Variants in PPM1E observed in about 807,000 individuals in gnomAD.
PPM1E encodes the protein protein phosphatase 1E.
A neutral mutation model predicts 65.9 loss-of-function variants in PPM1E; 20 were observed. The ratio of observed to expected loss-of-function variants is 0.30; its 90% CI spans 0.21 to 0.44. PPM1E has a LOEUF of 0.44. Among genes scored for constraint, PPM1E ranks in the 20% least tolerant of loss-of-function variants. The pLI is 1.00. For missense variants in PPM1E, 713 were observed against 953.1 expected (o/e 0.75, Z 3.32); for synonymous variants, 352 against 374.9 (o/e 0.94, Z 0.70).
At chr17:58,913,316 A>AT (rs1228555460) in intron 1 of PPM1E, among the ~76,000 whole-genome samples, 1 of 151,990 alleles carries the variant, frequency 6.6e-6, no homozygotes, top group Non-Finnish European at 1.5e-5. Flanking sequence ...AAAGTGTTTG[A>AT]TTTTTCCCAT....
At chr17:58,891,436 C>T (rs1406763091) in intron 1 of PPM1E, among the ~76,000 whole-genome samples, 2 of 151,994 alleles carry the variant, frequency 1.3e-5, no homozygotes, top group African/African-American at 4.8e-5. Context: ...AGTTCTCCTG[C>T]CTCAGCCTCC....
At chr17:58,937,018 C>T (rs1251260749) in intron 1 of PPM1E, among the ~76,000 whole-genome samples, 1 of 151,728 alleles carries the variant, frequency 6.6e-6, no homozygotes, top group Non-Finnish European at 1.5e-5. Context: ...CTTGTAAGGC[C>T]GGGCGCGGTG....
chr17:58,869,403 T>A (rs1467793098), intron 1 of PPM1E, among the ~76,000 whole-genome samples: 1 of 152,156 alleles, frequency 6.6e-6, no homozygotes, highest in Non-Finnish European at 1.5e-5. Flanking sequence ...CATTTGTGAG[T>A]GGCTTGGTGC....
At chr17:58,890,515 G>T (rs150160826) in intron 1 of PPM1E, among the ~76,000 whole-genome samples, 1 of 152,254 alleles carries the variant, frequency 6.6e-6, no homozygotes, top group Non-Finnish European at 1.5e-5. Flanking sequence ...CTCTGTACAT[G>T]TCCATGAATG....
chr17:58,770,729 T>C (rs1377120071), intron 1 of PPM1E, among the ~76,000 whole-genome samples: 1 of 152,176 alleles, frequency 6.6e-6, no homozygotes, highest in Admixed American at 6.6e-5. Context: ...TTATATAGGT[T>C]GAAATTATCA....
Position 58,805,983 on chromosome 17 carries a change from AACAAAAC to A in PPM1E, c.464+49524_464+49530del, listed in dbSNP as rs1482233338. Among the ~76,000 whole-genome samples the A allele has an allele frequency of 1.6e-3, 159 of 99,656 alleles. 6 individuals are homozygous for A. The highest frequency in any genetic ancestry group is 5.1e-3 in the African/African-American group (113 of 21,970). The allele number at this position is 99,656 out of a possible 152,430, so 65.4% of individuals were successfully genotyped here. A position where few individuals can be genotyped will look rare whatever the true frequency, so the allele number is the denominator to read the frequency against. Reference sequence around the variant, plus strand: ...AAACAAAAAAAAAAAACAAAAAAAAAACAAAACAAAACAAAACAAAAAAAAAACTATA... The same window carrying A: ...AAACAAAAAAAAAAAACAAAAAAAAAAAAACAAAACAAAAAAAAAACTATA... On this transcript the variant is annotated intron_variant, in intron 1 of 6. Transcript: ENST00000308249.
At position 58,980,668 on chromosome 17, in the gene PPM1E, A is replaced by G; in HGVS notation, c.1905A>G (p.Thr635=). 1 of 1,614,222 alleles carries G rather than the reference A, an allele frequency of 6.2e-7. No individual in the cohort carries two copies. The highest frequency in any genetic ancestry group is 8.5e-7 in the Non-Finnish European group (1 of 1,180,032). ...CCACTGCTTTCAATTTGGGTTCAACAGGGGAGCAGATATACAGAATGCAGA... is the reference window on the plus strand; with the variant it reads ...CCACTGCTTTCAATTTGGGTTCAACGGGGGAGCAGATATACAGAATGCAGA... ...EFPTAFNLGS[T]GEQIYRMQSL... The change falls in exon 7 of 7, where the codon ACA becomes ACG. Residue 635 remains threonine (T), a synonymous_variant. Coordinates refer to ENST00000308249, the MANE Select transcript of PPM1E (RefSeq NM_014906.5). This position sits in a 1 kb window ranked among gnomAD's most constrained non-coding sequence, Gnocchi z 4.7.
At chr17:58,936,792 G>A (rs1001056602) in intron 1 of PPM1E, among the ~76,000 whole-genome samples, 2 of 152,104 alleles carry the variant, frequency 1.3e-5, no homozygotes, top group African/African-American at 4.8e-5. Context: ...ATCAACCCAT[G>A]GTATTTGAAA....
At chr17:58,796,545 C>T (rs944702571) in intron 1 of PPM1E, among the ~76,000 whole-genome samples, 2 of 152,214 alleles carry the variant, frequency 1.3e-5, no homozygotes, top group Non-Finnish European at 2.9e-5. Flanking sequence ...GTTAGGATTA[C>T]AGGCGTGAGC....
In PPM1E at chr17:58,823,880, G is replaced by A. The variant is rs539213938; in HGVS notation, c.464+67419G>A. Among the ~76,000 whole-genome samples the A allele has an allele frequency of 3.4e-3, 517 of 151,930 alleles. 3 individuals are homozygous for A. Among genetic ancestry groups the A allele is most frequent in the Non-Finnish European group, 5.6e-3 (382 of 67,962 alleles). On this transcript the variant is annotated intron_variant, in intron 1 of 6. Transcript: ENST00000308249. The stretch of plus-strand genomic sequence containing the variant: ...CGAGTAGCTGGAACTACAGGTACCC[G>A]CCACCACACCCGGCTAATTTTTTGT...
intron 1 of PPM1E, among the ~76,000 whole-genome samples, chr17:58,823,131 A>G (rs908643482): frequency 1.6e-4 from 25 of 152,186 alleles, no homozygotes; most frequent in South Asian, 8.3e-4. Context: ...CAGACATTAT[A>G]GTGTATGTAA....
In PPM1E at chr17:58,983,127, G is replaced by T; in HGVS notation, c.*2096G>T. ...GAAAAAAATGGCTGGATAGAACTGG[G>T]ACAAACACAGACCCATCTTTAGGGG... On this transcript the variant is annotated 3_prime_UTR_variant, in exon 7 of 7. Coordinates refer to ENST00000308249, the MANE Select transcript of PPM1E (RefSeq NM_014906.5). 1.9e-6 allele frequency: 1 copy of T among 525,812 alleles called. No homozygotes were observed. Among genetic ancestry groups the T allele is most frequent in the South Asian group, 2.6e-5 (1 of 38,024 alleles). 32.6% of individuals were successfully genotyped at this position (525,812 alleles called of 1,614,324 possible).
In PPM1E at chr17:58,805,953, AAAAAAAAC is replaced by A. The variant is rs1297331513; in HGVS notation, c.464+49500_464+49507del. ...AGGAGGTTCAGGCTGTTCTGCTAAA[AAAAAAAAC>A]AAAAAAAAAAAACAAAAAAAAAACA... is the stretch of plus-strand genomic sequence containing the variant. On this transcript the variant is annotated intron_variant, in intron 1 of 6. Coordinates refer to ENST00000308249, the MANE Select transcript of PPM1E (RefSeq NM_014906.5). Among the ~76,000 whole-genome samples, 30 of 101,586 alleles carry A rather than the reference AAAAAAAAC, an allele frequency of 3.0e-4. 2 individuals carry two copies. The highest frequency in any genetic ancestry group is 1.3e-3 in the South Asian group (4 of 3,062). 66.6% of individuals were successfully genotyped at this position (101,586 alleles called of 152,430 possible).
chr17:58,966,352 T>TA (rs763553438), intron 3 of PPM1E: 4,771 of 233,848 alleles, frequency 0.02, 2 homozygotes, highest in South Asian at 0.029. Context: ...GACTGTCTCT[T>TA]AAAAAAAAAA....
intron 1 of PPM1E, among the ~76,000 whole-genome samples, chr17:58,766,304 C>T (rs775403582): frequency 8.8e-5 from 13 of 147,754 alleles, no homozygotes; most frequent in Admixed American, 1.4e-4. Context: ...CAGGTTCAAG[C>T]GATTCTCCTG....
chr17:58,833,121 A>C (rs1193192383), intron 1 of PPM1E, among the ~76,000 whole-genome samples: 1 of 151,968 alleles, frequency 6.6e-6, no homozygotes, highest in Non-Finnish European at 1.5e-5. Flanking sequence ...TCCTTAAAAA[A>C]AAATGTTTGG....
intron 3 of PPM1E, 128 bp from the exon 4 acceptor site, chr17:58,969,411 T>C: frequency 1.1e-6 from 1 of 889,830 alleles, no homozygotes; most frequent in Non-Finnish European, 1.9e-6. Context: ...GGAAAACATT[T>C]AGTCTCATTA....
At chr17:58,976,921 T>G (rs1408570579) in intron 6 of PPM1E, among the ~76,000 whole-genome samples, 1 of 152,164 alleles carries the variant, frequency 6.6e-6, no homozygotes, top group East Asian at 1.9e-4. Context: ...AATCATATAG[T>G]CAGGTAGAAT....
chr17:58,867,866 CAT>C (rs1235565853), intron 1 of PPM1E, among the ~76,000 whole-genome samples: 11 of 152,086 alleles, frequency 7.2e-5, no homozygotes, highest in Admixed American at 2.6e-4. Context: ...AAGAGGAAAA[CAT>C]GTGTTCCCTC....
Sources: allele counts gnomAD v4.1 joint callset (sites outside exome capture counted in the v4.1 genomes callset), GRCh38; gene constraint gnomAD v4.1.1; non-coding constraint Gnocchi (gnomAD v3.1); transcripts MANE v1.5; gene names NCBI Gene and HGNC (gene_info 2026-07-23, HGNC 2026-07-21).